EPHA5: variants seen among roughly 807,000 people sequenced by gnomAD.
EPHA5 encodes the protein ephrin type-A receptor 5.
Under a neutral mutation model 105.0 loss-of-function variants are expected in EPHA5, and 60 were observed. The observed-to-expected ratio is 0.57, with a 90% CI of 0.46 to 0.71. The LOEUF is 0.71. Ranked by LOEUF, EPHA5 falls within the 30% of genes least tolerant of loss-of-function variation. The probability of loss-of-function intolerance (pLI) is 0.00; values close to 1 mark genes in which losing one functional copy is unlikely to be tolerated. For missense variants in EPHA5, 1,218 were observed against 1,274.7 expected, an observed-to-expected ratio of 0.96 and a Z score of 0.68; for synonymous variants, 513 against 449.1, an observed-to-expected ratio of 1.14 and a Z score of -1.80.
intron 2 of EPHA5, among the ~76,000 whole-genome samples, chr4:65,618,036 A>G (rs1353610733): frequency 6.6e-6 from 1 of 152,154 alleles, no homozygotes; most frequent in Non-Finnish European, 1.5e-5. Flanking sequence ...ATAAAATAGA[A>G]TGTTAAAATT....
intron 2 of EPHA5, among the ~76,000 whole-genome samples, chr4:65,619,062 G>A (rs1243891826): frequency 2.0e-5 from 3 of 152,084 alleles, no homozygotes; most frequent in Non-Finnish European, 4.4e-5. Context: ...GGCTGAGGCA[G>A]GAGAACCACT....
In EPHA5 at chr4:65,500,073, T is replaced by C. The variant is rs573907234; in HGVS notation, c.911-4530A>G. ...GAACAAACAATGATAGAGGCAAAAT[T>C]GATATTTTACATTTTAATCATGATA... On this transcript the variant is annotated intron_variant, in intron 3 of 16. Coordinates refer to ENST00000613740, the MANE Select transcript of EPHA5 (RefSeq NM_001281766.3). Among the ~76,000 whole-genome samples, 5 of 151,402 alleles carry C rather than the reference T, an allele frequency of 3.3e-5. No individual in the cohort carries two copies. The South Asian group carries it at 6.2e-4, about 19-fold the overall frequency.
rs1263352600 is a variant in EPHA5, at chr4:65,574,396, T to A, written c.910+27245A>T. The stretch of plus-strand genomic sequence containing the variant: ...ATAATAATAATAAAAAATAAAAAAA[T>A]AAAAAAATACTCAAATAACTCAAAT... On this transcript the variant is annotated intron_variant, in intron 3 of 16. Coordinates refer to ENST00000613740, the MANE Select transcript of EPHA5 (RefSeq NM_001281766.3). 209 of 730,580 alleles carry A rather than the reference T, an allele frequency of 2.9e-4. 1 individual carries two copies. The East Asian group carries it at 7.1e-3, about 25-fold the overall frequency. The allele number at this position is 730,580 out of a possible 1,614,324, so 45.3% of individuals were successfully genotyped here.
Position 65,414,303 on chromosome 4 carries a change from C to A in EPHA5, c.1668G>T (p.Glu556Asp). ...AGYGVFSRRFEFETTPVSVAA... is the reference protein window; with the variant it reads ...AGYGVFSRRFDFETTPVSVAA... ...ACTTACACACTGGGGTGGTTTCAAA[C>A]TCAAATCTTCGACTGAAGACACCAT... The change falls in exon 7 of 17, where the codon GAG becomes GAT. Residue 556 changes from glutamate (E) to aspartate (D), a missense_variant. Glu to Asp is a conservative substitution (Grantham distance 45). Coordinates refer to ENST00000613740, the MANE Select transcript of EPHA5 (RefSeq NM_001281766.3). 1 of 1,613,830 alleles carries A rather than the reference C, an allele frequency of 6.2e-7. No homozygotes were observed.
At chr4:65,467,055 A>T (rs896033336) in intron 5 of EPHA5, among the ~76,000 whole-genome samples, 1 of 152,168 alleles carries the variant, frequency 6.6e-6, no homozygotes, top group African/African-American at 2.4e-5. Flanking sequence ...GGTTATTTAA[A>T]AATACACAAG....
chr4:65,421,817 T>C (rs76484139), intron 5 of EPHA5, among the ~76,000 whole-genome samples: 2,620 of 152,206 alleles, frequency 0.017, 65 homozygotes, highest in African/African-American at 0.059. Flanking sequence ...TTAATGAATA[T>C]TTGTTGAATG....
At chr4:65,379,123 C>A (rs184258589) in intron 8 of EPHA5, among the ~76,000 whole-genome samples, 18 of 151,710 alleles carry the variant, frequency 1.2e-4, no homozygotes, top group Non-Finnish European at 2.4e-4. Flanking sequence ...ATAACTGCAT[C>A]GTGATTGGCT....
intron 5 of EPHA5, among the ~76,000 whole-genome samples, chr4:65,442,293 T>G (rs1726097683): frequency 6.6e-6 from 1 of 152,120 alleles, no homozygotes; most frequent in South Asian, 2.1e-4. Context: ...AAAGAGATCT[T>G]TCTTTCTCTC....
At chr4:65,597,589 T>A (rs1337380379) in intron 3 of EPHA5, among the ~76,000 whole-genome samples, 2 of 152,064 alleles carry the variant, frequency 1.3e-5, no homozygotes, top group African/African-American at 2.4e-5. Context: ...TTTCTGAAAA[T>A]AAAAAGACTT....
intron 3 of EPHA5, among the ~76,000 whole-genome samples, chr4:65,594,553 C>T (rs865841100): frequency 2.6e-5 from 4 of 152,172 alleles, no homozygotes; most frequent in African/African-American, 9.7e-5. Context: ...AACCTCAAGA[C>T]TTTCACTAGC....
intron 3 of EPHA5, among the ~76,000 whole-genome samples, chr4:65,520,330 G>A (rs576532213): frequency 7.2e-5 from 11 of 152,236 alleles, no homozygotes; most frequent in East Asian, 1.9e-4. Flanking sequence ...GCCATATGTC[G>A]AAAGCTGAAA....
chr4:65,554,981 C>CAAAAAAAAAAA lies in EPHA5; in HGVS notation c.910+46649_910+46659dup, dbSNP rs71205383. ...TTATCACTTCACCCCTATACAACAG[C>CAAAAAAAAAAA]AAAAAAAAAAAAAAAAAAAAAAAAA... On this transcript the variant is annotated intron_variant, in intron 3 of 16. Coordinates refer to ENST00000613740, the MANE Select transcript of EPHA5 (RefSeq NM_001281766.3). 7.6e-4 allele frequency among the ~76,000 whole-genome samples: 70 copies of CAAAAAAAAAAA among 92,528 alleles called. 1 individual carries two copies. Among genetic ancestry groups the CAAAAAAAAAAA allele is most frequent in the Admixed American group, 1.6e-3 (12 of 7,364 alleles). The allele number at this position is 92,528 out of a possible 152,430, so 60.7% of individuals were successfully genotyped here.
At chr4:65,580,904 A>G (rs1258105512) in intron 3 of EPHA5, among the ~76,000 whole-genome samples, 1 of 151,794 alleles carries the variant, frequency 6.6e-6, no homozygotes, top group Non-Finnish European at 1.5e-5. Context: ...AGACAGATGA[A>G]TCAAATTTTG....
chr4:65,467,875 G>A (rs749070948), intron 5 of EPHA5, among the ~76,000 whole-genome samples: 5 of 152,090 alleles, frequency 3.3e-5, no homozygotes, highest in East Asian at 1.9e-4. Context: ...AGGTCAGGGC[G>A]AAGCAATGTA....
chr4:65,662,075 A>T (rs10050136), intron 1 of EPHA5, among the ~76,000 whole-genome samples: 10,987 of 152,026 alleles, frequency 0.072, 1,304 homozygotes, highest in African/African-American at 0.25. Flanking sequence ...ACCCTCTTAA[A>T]TCATTTTGAC....
chr4:65,538,224 G>T (rs1736480691), intron 3 of EPHA5, among the ~76,000 whole-genome samples: 1 of 151,692 alleles, frequency 6.6e-6, no homozygotes, highest in Non-Finnish European at 1.5e-5. Flanking sequence ...ACTTAAATAA[G>T]TATTTCTACA....
At chr4:65,635,566 G>A (rs1015565344) in intron 2 of EPHA5, among the ~76,000 whole-genome samples, 1 of 152,024 alleles carries the variant, frequency 6.6e-6, no homozygotes, top group Non-Finnish European at 1.5e-5. Flanking sequence ...GGAGGCAGGT[G>A]TATCTTGTGA....
intron 8 of EPHA5, among the ~76,000 whole-genome samples, chr4:65,399,126 G>C (rs2148976018): frequency 6.6e-6 from 1 of 152,290 alleles, no homozygotes; most frequent in East Asian, 1.9e-4. Flanking sequence ...TTGGGGCTTT[G>C]CAGTTTCTGG....
intron 8 of EPHA5, among the ~76,000 whole-genome samples, chr4:65,391,382 C>T (rs751030093): frequency 1.1e-4 from 16 of 152,024 alleles, no homozygotes; most frequent in African/African-American, 3.9e-4. Flanking sequence ...CTATTAGAAA[C>T]ATTTTCTTTT....
Sources: allele counts gnomAD v4.1 joint callset (sites outside exome capture counted in the v4.1 genomes callset), GRCh38; gene constraint gnomAD v4.1.1; transcripts MANE v1.5; gene names NCBI Gene and HGNC (gene_info 2026-07-23, HGNC 2026-07-21).